Variants in PCDHA3 observed in about 807,000 individuals in gnomAD.
PCDHA3 encodes protocadherin alpha-3.
PCDHA3 carries 41 observed loss-of-function variants against 62.2 expected under a neutral mutation model. The observed-to-expected ratio is 0.66, with a 90% CI of 0.51 to 0.86. The LOEUF (loss-of-function observed/expected upper bound fraction) is 0.86. Ranked by LOEUF, PCDHA3 falls within the 40% of genes least tolerant of loss-of-function variation. The pLI, the probability that PCDHA3 is intolerant of heterozygous loss-of-function variation, is 0.00. For synonymous variants in PCDHA3, 640 were observed against 555.4 expected (o/e 1.15, Z -2.14); for missense variants, 1,304 against 1,241.2 (o/e 1.05, Z -0.76).
intron 3 of PCDHA3, among the ~76,000 whole-genome samples, chr5:140,984,944 TC>T (rs1554246626): frequency 6.6e-6 from 1 of 151,930 alleles, no homozygotes; most frequent in Non-Finnish European, 1.5e-5. Flanking sequence ...AAATGTCTAA[TC>T]TTTTTTTTTT....
intron 3 of PCDHA3, among the ~76,000 whole-genome samples, chr5:141,007,475 C>G (rs575810038): frequency 1.3e-5 from 2 of 151,322 alleles, no homozygotes; most frequent in Non-Finnish European, 2.9e-5. Context: ...GGCTGAGGCA[C>G]GAGAATTACT....
chr5:140,974,751 G>A (rs530548991), intron 1 of PCDHA3, among the ~76,000 whole-genome samples: 11 of 152,284 alleles, frequency 7.2e-5, no homozygotes, highest in African/African-American at 2.4e-4. Flanking sequence ...GCCTCCCAAA[G>A]TGCTGGGATT....
chr5:140,903,448 G>T (rs188990837), intron 1 of PCDHA3, among the ~76,000 whole-genome samples: 2 of 152,278 alleles, frequency 1.3e-5, no homozygotes, highest in African/African-American at 2.4e-5. Context: ...GAATTCATCT[G>T]ATCAAACTTA....
chr5:140,819,746 A>C (rs1562254494), intron 1 of PCDHA3, among the ~76,000 whole-genome samples: 1 of 152,094 alleles, frequency 6.6e-6, no homozygotes, highest in Non-Finnish European at 1.5e-5. Context: ...ATCAAAAGTC[A>C]AGAGTCTTGT....
intron 1 of PCDHA3, among the ~76,000 whole-genome samples, chr5:140,820,193 G>C (rs2150106192): frequency 6.6e-6 from 1 of 151,842 alleles, no homozygotes; most frequent in Non-Finnish European, 1.5e-5. Context: ...ATTGATTTGT[G>C]TTTCAACGAT....
chr5:140,813,414 T>A (rs1343371615), intron 1 of PCDHA3: 3 of 152,234 alleles, frequency 2.0e-5, no homozygotes, highest in South Asian at 2.1e-4. Context: ...CCTGTACATA[T>A]GTTAACTGTA....
intron 3 of PCDHA3, among the ~76,000 whole-genome samples, chr5:140,994,615 G>C (rs2097641272): frequency 6.6e-6 from 1 of 152,078 alleles, no homozygotes; most frequent in Admixed American, 6.6e-5. Context: ...TGAGGCACGA[G>C]AGTCACTTGA....
At chr5:140,864,765 T>C (rs1345308303) in intron 1 of PCDHA3, 1 of 152,222 alleles carries the variant, frequency 6.6e-6, no homozygotes, top group Non-Finnish European at 1.5e-5. Context: ...TTTCTTTCAT[T>C]TTTGGTACCT....
At position 140,824,341 on chromosome 5, in the gene PCDHA3, TAAAATAA is replaced by T. The variant is rs1352214972; in HGVS notation, c.2394+20751_2394+20757del. ...AGCTTTCTGTGATATTAAGTGTTTTTAAAATAATATTTTATATTAGCATTTGAATTTT... is the reference window on the plus strand; with the variant it reads ...AGCTTTCTGTGATATTAAGTGTTTTTTATTTTATATTAGCATTTGAATTTT... On this transcript the variant is annotated intron_variant, in intron 1 of 3. Transcript: ENST00000522353. 8.2e-6 allele frequency: 5 copies of T among 607,692 alleles called. No homozygotes were observed. In the African/African-American group the frequency reaches 9.4e-5, roughly 11 times the overall value. The allele number at this position is 607,692 out of a possible 1,614,324, so 37.6% of individuals were successfully genotyped here.
chr5:140,846,306 A>G (rs1444661370), intron 1 of PCDHA3, among the ~76,000 whole-genome samples: 4 of 147,710 alleles, frequency 2.7e-5, no homozygotes, highest in South Asian at 4.3e-4. Context: ...TAAGTAAACC[A>G]TTTATGTAGA....
chr5:140,967,272 TAG>T, intron 1 of PCDHA3: 1 of 1,613,412 alleles, frequency 6.2e-7, no homozygotes, highest in Non-Finnish European at 8.5e-7. Flanking sequence ...CGCTTTCACA[TAG>T]AGAGTGCGCA....
At chr5:140,936,849 G>A (rs927747848) in intron 1 of PCDHA3, among the ~76,000 whole-genome samples, 1 of 152,006 alleles carries the variant, frequency 6.6e-6, no homozygotes, top group Non-Finnish European at 1.5e-5. Context: ...TGTAGATTCA[G>A]CTTCTCAGTT....
rs762916391 is a variant in PCDHA3, at chr5:140,927,929, C to T, written c.2395-51020C>T. 13 of 1,614,090 alleles carry T rather than the reference C, an allele frequency of 8.1e-6. No homozygotes were observed. The highest frequency in any genetic ancestry group is 5.0e-5 in the Admixed American group (3 of 60,008). ...CCCGAACTGGACTTCCTGACTCTTT[C>T]GAACCCAGTACCTGAGGACGCTGCC... On this transcript the variant is annotated intron_variant, in intron 1 of 3. Transcript: ENST00000522353.
At chr5:140,870,512 G>A in intron 1 of PCDHA3, 1 of 1,614,224 alleles carries the variant, frequency 6.2e-7, no homozygotes, top group Non-Finnish European at 8.5e-7. Flanking sequence ...AACCCACCAG[G>A]CTGCCACATC....
At chr5:140,831,720 G>C (rs1771679681) in intron 1 of PCDHA3, among the ~76,000 whole-genome samples, 1 of 151,962 alleles carries the variant, frequency 6.6e-6, no homozygotes, top group Non-Finnish European at 1.5e-5. Context: ...GTGAGTTTTG[G>C]TGTTATCCTC....
At position 140,803,459 on chromosome 5, in the gene PCDHA3, G is replaced by A. The variant is rs1333892041; in HGVS notation, c.2262G>A (p.Arg754=). 1.2e-6 allele frequency: 2 copies of A among 1,614,130 alleles called. No individual in the cohort carries two copies. Among genetic ancestry groups the A allele is most frequent in the African/African-American group, 1.3e-5 (1 of 74,958 alleles). ...AVGSWSYSQQ[R]QQRVCSGEGL... Reference sequence around the variant, plus strand: ...GGAGCTGGTCATACTCGCAGCAGAGGCAGCAGAGGGTGTGCTCTGGAGAGG... The same window carrying A: ...GGAGCTGGTCATACTCGCAGCAGAGACAGCAGAGGGTGTGCTCTGGAGAGG... Residue 754 remains arginine (R), a synonymous_variant, in exon 1 of 4, where the codon AGG becomes AGA. Transcript: ENST00000522353.
Position 140,803,411 on chromosome 5 carries a change from G to T in PCDHA3, c.2214G>T (p.Thr738=), listed in dbSNP as rs782062306. The change falls in exon 1 of 4, where the codon ACG becomes ACT. Residue 738 remains threonine, a synonymous_variant. Transcript: ENST00000522353. ...TEGDCGPGKP[T]LVCSSAVGSW... ...GCGACTGTGGGCCGGGCAAGCCCAC[G>T]CTGGTGTGCTCCAGCGCGGTGGGGA... 3 of 1,614,218 alleles carry T rather than the reference G, an allele frequency of 1.9e-6. No homozygotes were observed. The highest frequency in any genetic ancestry group is 2.5e-6 in the Non-Finnish European group (3 of 1,180,042).
At chr5:140,968,288 C>A in intron 1 of PCDHA3, 1 of 1,613,976 alleles carries the variant, frequency 6.2e-7, no homozygotes, top group Non-Finnish European at 8.5e-7. Context: ...GACCTACTCC[C>A]TTCTGGAGAG....
At chr5:140,882,114 C>T (rs1464753090) in intron 1 of PCDHA3, 25 of 1,406,582 alleles carry the variant, frequency 1.8e-5, no homozygotes, top group Non-Finnish European at 2.2e-5. Flanking sequence ...AAGAAAGCCG[C>T]CGTTTCTTTC....
Sources: gnomAD v4.1 joint callset for allele counts (sites outside exome capture counted in the v4.1 genomes callset) on GRCh38, gnomAD v4.1.1 for gene constraint, MANE v1.5 for transcripts, NCBI Gene and HGNC (gene_info 2026-07-23, HGNC 2026-07-21) for gene names.